ANK2: variants seen among roughly 807,000 people sequenced by gnomAD.
ANK2 encodes ankyrin 2.
Under a neutral mutation model 360.5 loss-of-function variants are expected in ANK2, and 83 were observed. That is an observed-to-expected ratio of 0.23 (90% CI 0.19 to 0.28). ANK2 has a LOEUF of 0.28. Ranked by LOEUF, ANK2 falls within the 10% of genes least tolerant of loss-of-function variation. The pLI, the probability that ANK2 is intolerant of heterozygous loss-of-function variation, is 1.00. For synonymous variants in ANK2, 1,740 were observed against 1,759.5 expected (o/e 0.99, Z 0.28); for missense variants, 4,201 against 4,795.7 (o/e 0.88, Z 3.66).
intron 20 of ANK2, among the ~76,000 whole-genome samples, chr4:113,290,877 A>G (rs961039987): frequency 6.6e-6 from 1 of 152,170 alleles, no homozygotes; most frequent in African/African-American, 2.4e-5. Flanking sequence ...ACAGTGGATT[A>G]AGAATCAACC....
chr4:112,975,279 C>T (rs972293120), intron 2 of ANK2, among the ~76,000 whole-genome samples: 12 of 152,116 alleles, frequency 7.9e-5, no homozygotes, highest in Non-Finnish European at 1.6e-4. Flanking sequence ...TTCCTAAGTT[C>T]ATGATGATTA....
At chr4:113,148,396 C>T (rs547954279) in intron 1 of ANK2, among the ~76,000 whole-genome samples, 2 of 152,300 alleles carry the variant, frequency 1.3e-5, no homozygotes, top group African/African-American at 2.4e-5. Flanking sequence ...CCTACCCTAG[C>T]TGATTTTCAA....
the ANK2 span, among the ~76,000 whole-genome samples, chr4:112,791,074 AT>A: frequency 1.3e-5 from 2 of 152,198 alleles, no homozygotes. Context: ...AGTTAAGTTT[AT>A]TTCATGTGGC....
intron 2 of ANK2, among the ~76,000 whole-genome samples, chr4:113,016,368 G>C (rs928547951): frequency 6.6e-6 from 1 of 152,118 alleles, no homozygotes; most frequent in African/African-American, 2.4e-5. Flanking sequence ...CACCCGCCAA[G>C]TTTCTGCTTG....
At chr4:113,146,301 TTA>T (rs2154389926) in intron 1 of ANK2, among the ~76,000 whole-genome samples, 1 of 152,366 alleles carries the variant, frequency 6.6e-6, no homozygotes, top group South Asian at 2.1e-4. Context: ...ATACGTATTA[TTA>T]TAGAGTGACT....
chr4:113,185,273 C>T (rs538172215), intron 2 of ANK2, among the ~76,000 whole-genome samples: 19 of 152,262 alleles, frequency 1.2e-4, no homozygotes, highest in African/African-American at 4.3e-4. Context: ...GTTCTAGATC[C>T]TTGAGGAATT....
Position 113,356,703 on chromosome 4 carries a change from T to G in ANK2, c.8085T>G (p.Leu2695=). Residue 2695 remains leucine (L), a synonymous_variant, in exon 38 of 46, where the codon CTT becomes CTG. Coordinates refer to ENST00000357077, the MANE Select transcript of ANK2 (RefSeq NM_001148.6). ...PVIRVQPPSP[L]PSSMDSNSSP... The stretch of plus-strand genomic sequence containing the variant: ...TTCGAGTACAACCTCCTTCTCCACT[T>G]CCATCAAGCATGGACTCCAATTCCA... 1.2e-6 allele frequency: 2 copies of G among 1,614,096 alleles called. No homozygotes were observed. Among genetic ancestry groups the G allele is most frequent in the Non-Finnish European group, 8.5e-7 (1 of 1,179,990 alleles).
chr4:112,936,041 G>C (rs893771950), intron 2 of ANK2, among the ~76,000 whole-genome samples: 1 of 152,216 alleles, frequency 6.6e-6, no homozygotes, highest in Non-Finnish European at 1.5e-5. Flanking sequence ...GTCTCAGAAA[G>C]ACTGTTGCTA....
At chr4:113,076,342 G>C (rs2079962939) in intron 1 of ANK2, among the ~76,000 whole-genome samples, 1 of 152,170 alleles carries the variant, frequency 6.6e-6, no homozygotes, top group Non-Finnish European at 1.5e-5. Flanking sequence ...TGTATTCTTA[G>C]GAATTTACTA....
At chr4:112,927,257 T>C (rs2092679881) in intron 2 of ANK2, among the ~76,000 whole-genome samples, 1 of 152,182 alleles carries the variant, frequency 6.6e-6, no homozygotes, top group Non-Finnish European at 1.5e-5. Context: ...ATCTTACTGA[T>C]CCTCTCATTA....
intron 1 of ANK2, among the ~76,000 whole-genome samples, chr4:113,121,463 T>A (rs2095348858): frequency 6.6e-6 from 1 of 152,198 alleles, no homozygotes; most frequent in Admixed American, 6.6e-5. Context: ...GTAAATTAAA[T>A]GATGAATTTG....
At chr4:113,303,181 T>TA (rs1419265958) in intron 23 of ANK2, among the ~76,000 whole-genome samples, 1 of 152,200 alleles carries the variant, frequency 6.6e-6, no homozygotes, top group South Asian at 2.1e-4. Flanking sequence ...TGAATTATGT[T>TA]AAAAAATCTT....
intron 1 of ANK2, among the ~76,000 whole-genome samples, chr4:113,084,304 CTG>C (rs2154349213): frequency 6.6e-6 from 1 of 152,314 alleles, no homozygotes; most frequent in African/African-American, 2.4e-5. Context: ...CAACGCTTCT[CTG>C]TGAAAAAGCA....
chr4:112,914,790 CT>C (rs1185982293), intron 2 of ANK2, among the ~76,000 whole-genome samples: 4 of 152,108 alleles, frequency 2.6e-5, no homozygotes, highest in African/African-American at 9.7e-5. Flanking sequence ...AGAGCCGATC[CT>C]ACCCCTGTTT....
the ANK2 span, among the ~76,000 whole-genome samples, chr4:112,756,390 A>T: frequency 6.6e-6 from 1 of 152,206 alleles, no homozygotes; most frequent in Non-Finnish European, 1.5e-5. Flanking sequence ...ATTCACGTAG[A>T]ACTAACTAAT....
the ANK2 span, among the ~76,000 whole-genome samples, chr4:112,794,059 T>C: frequency 6.6e-6 from 1 of 152,176 alleles, no homozygotes; most frequent in East Asian, 1.9e-4. Flanking sequence ...TTTTATTTGG[T>C]TTATAGAGTA....
intron 1 of ANK2, among the ~76,000 whole-genome samples, chr4:113,134,050 C>G (rs1482777749): frequency 1.3e-5 from 2 of 151,984 alleles, no homozygotes; most frequent in Admixed American, 1.3e-4. Flanking sequence ...GGAAGAAGGA[C>G]AGAAGAGCTA....
At chr4:113,346,332 T>A (rs1489585100) in intron 35 of ANK2, among the ~76,000 whole-genome samples, 1 of 152,194 alleles carries the variant, frequency 6.6e-6, no homozygotes, top group Non-Finnish European at 1.5e-5. Context: ...GATTTAACTT[T>A]TTGAAGAAAT....
intron 1 of ANK2, among the ~76,000 whole-genome samples, chr4:113,107,744 T>G (rs2093810643): frequency 6.6e-6 from 1 of 152,202 alleles, no homozygotes; most frequent in Non-Finnish European, 1.5e-5. Flanking sequence ...GTATCATTTA[T>G]TGATCTGTTA....
Sources: allele counts gnomAD v4.1 joint callset (sites outside exome capture counted in the v4.1 genomes callset), GRCh38; gene constraint gnomAD v4.1.1; transcripts MANE v1.5; gene names NCBI Gene and HGNC (gene_info 2026-07-23, HGNC 2026-07-21).